Variants in GOLM2 observed in about 807,000 individuals in gnomAD.
GOLM2 encodes golgi membrane protein 2.
In GOLM2, 26 loss-of-function variants were observed where a neutral mutation model predicts 55.9. That is an observed-to-expected ratio of 0.47 (90% CI 0.34 to 0.65). The LOEUF is 0.65. GOLM2 is among the 30% of genes least tolerant of loss of function. GOLM2 has a pLI of 0.01. For synonymous variants in GOLM2, 165 were observed against 194.6 expected (o/e 0.85, Z 1.27); for missense variants, 486 against 531.8 (o/e 0.91, Z 0.85).
At chr15:44,303,732 ATTT>A (rs541563417) in intron 1 of GOLM2, among the ~76,000 whole-genome samples, 9 of 130,792 alleles carry the variant, frequency 6.9e-5, no homozygotes, top group Admixed American at 2.3e-4. Context: ...CACCTGGCTA[ATTT>A]TTTTTTTTTT....
chr15:44,376,131 G>A (rs952223234), intron 6 of GOLM2, among the ~76,000 whole-genome samples: 2 of 152,176 alleles, frequency 1.3e-5, no homozygotes, highest in East Asian at 3.9e-4. Flanking sequence ...TACTTGGGAC[G>A]GCTGAGGCAG....
At chr15:44,345,187 G>A (rs2079115745) in intron 6 of GOLM2, among the ~76,000 whole-genome samples, 1 of 151,688 alleles carries the variant, frequency 6.6e-6, no homozygotes. Flanking sequence ...TCAGCTCACT[G>A]CAACTGCCGC....
intron 1 of GOLM2, among the ~76,000 whole-genome samples, chr15:44,300,669 A>G (rs1252816508): frequency 2.0e-5 from 3 of 152,340 alleles, no homozygotes; most frequent in East Asian, 3.9e-4. Context: ...CTTTTGACTT[A>G]TGACCTCATT....
At chr15:44,320,220 G>A (rs770267437) in intron 1 of GOLM2, among the ~76,000 whole-genome samples, 3 of 152,106 alleles carry the variant, frequency 2.0e-5, no homozygotes, top group Non-Finnish European at 4.4e-5. Flanking sequence ...CATATGTAAT[G>A]TTTTCCAAGC....
At chr15:44,402,832 A>C in intron 8 of GOLM2, 55 bp from the exon 9 acceptor site, 1 of 1,569,414 alleles carries the variant, frequency 6.4e-7, no homozygotes. Flanking sequence ...TTCCGTATAG[A>C]TTCCTTCTTT....
At chr15:44,312,219 G>A (rs2078879634) in intron 1 of GOLM2, among the ~76,000 whole-genome samples, 1 of 152,126 alleles carries the variant, frequency 6.6e-6, no homozygotes, top group East Asian at 1.9e-4. Flanking sequence ...CACAGCTGCA[G>A]AAAATCATAT....
chr15:44,379,840 T>A, intron 7 of GOLM2, 52 bp downstream of exon 7: 1 of 990,094 alleles, frequency 1.0e-6, no homozygotes, highest in Non-Finnish European at 1.6e-6. Flanking sequence ...ACTAGTCATG[T>A]ACAGTTATAT....
chr15:44,363,452 A>G (rs891373330), intron 6 of GOLM2, among the ~76,000 whole-genome samples: 3 of 152,266 alleles, frequency 2.0e-5, no homozygotes, highest in Non-Finnish European at 4.4e-5. Context: ...AATGCTCACC[A>G]TCACTGGCCA....
At chr15:44,387,992 G>A (rs950862158) in intron 8 of GOLM2, among the ~76,000 whole-genome samples, 13 of 150,474 alleles carry the variant, frequency 8.6e-5, no homozygotes, top group African/African-American at 2.7e-4. Flanking sequence ...TTTTTGAGAC[G>A]GAGTCTTGCT....
intron 7 of GOLM2, among the ~76,000 whole-genome samples, chr15:44,380,327 G>T (rs1470760126): frequency 6.6e-6 from 1 of 152,096 alleles, no homozygotes; most frequent in African/African-American, 2.4e-5. Flanking sequence ...GGATAAAAAG[G>T]GAGGTGGGGA....
At chr15:44,363,273 A>G (rs1215743638) in intron 6 of GOLM2, among the ~76,000 whole-genome samples, 2 of 152,236 alleles carry the variant, frequency 1.3e-5, no homozygotes, top group South Asian at 2.1e-4. Context: ...AAAATGGGAA[A>G]AAATTTTTGC....
At chr15:44,290,951 G>A (rs1002399463) in intron 1 of GOLM2, among the ~76,000 whole-genome samples, 4 of 151,906 alleles carry the variant, frequency 2.6e-5, no homozygotes, top group Non-Finnish European at 5.9e-5. Context: ...TTACAGGCAT[G>A]CACCACCACG....
intron 8 of GOLM2, among the ~76,000 whole-genome samples, chr15:44,386,443 G>T (rs1261268565): frequency 6.6e-6 from 1 of 152,132 alleles, no homozygotes; most frequent in Non-Finnish European, 1.5e-5. Context: ...TAACTTTGTA[G>T]TAAGTTTTGA....
In GOLM2 at chr15:44,294,103, T is replaced by A. The variant is rs144451820; in HGVS notation, c.327+4747T>A. ...CTGTATCCCCTTCTTACTTTTATAG[T>A]GCCAGAAAGTACAGAGAATTTCCAC... On this transcript the variant is annotated intron_variant, in intron 1 of 9. Coordinates refer to ENST00000299957, the MANE Select transcript of GOLM2 (RefSeq NM_138423.4). Among the ~76,000 whole-genome samples, 11 of 152,328 alleles carry A rather than the reference T, an allele frequency of 7.2e-5. No homozygotes were observed. In the East Asian group the frequency reaches 1.9e-3, roughly 27 times the overall value.
At chr15:44,383,125 A>G in intron 8 of GOLM2, among the ~76,000 whole-genome samples, 1 of 151,138 alleles carries the variant, frequency 6.6e-6, no homozygotes. Context: ...TATATTATAT[A>G]CATATACAGA....
At chr15:44,404,843 C>T (rs1392692147) in intron 9 of GOLM2, among the ~76,000 whole-genome samples, 1 of 152,004 alleles carries the variant, frequency 6.6e-6, no homozygotes, top group Non-Finnish European at 1.5e-5. Flanking sequence ...AGCATTTATT[C>T]TTATAACTGT....
chr15:44,374,092 C>G (rs1470039031), intron 6 of GOLM2, among the ~76,000 whole-genome samples: 1 of 152,096 alleles, frequency 6.6e-6, no homozygotes, highest in Non-Finnish European at 1.5e-5. Flanking sequence ...CAGAGCAAGA[C>G]TCAGTCTCAA....
intron 1 of GOLM2, among the ~76,000 whole-genome samples, chr15:44,296,959 C>G (rs552985947): frequency 6.6e-6 from 1 of 152,224 alleles, no homozygotes; most frequent in East Asian, 1.9e-4. Context: ...CAACTTTTAA[C>G]TGTAATTTCT....
chr15:44,410,677 C>G (rs1567046637), intron 9 of GOLM2, among the ~76,000 whole-genome samples: 2 of 150,494 alleles, frequency 1.3e-5, no homozygotes. Flanking sequence ...GGGCAGATCG[C>G]TTGAACCCAG....
Sources: gnomAD v4.1 joint callset for allele counts (sites outside exome capture counted in the v4.1 genomes callset) on GRCh38, gnomAD v4.1.1 for gene constraint, MANE v1.5 for transcripts, NCBI Gene and HGNC (gene_info 2026-07-23, HGNC 2026-07-21) for gene names.